The following OGT variants were observed in gnomAD, a reference collection of about 807,000 sequenced individuals.
OGT encodes UDP-N-acetylglucosamine--peptide N-acetylglucosaminyltransferase 110 kDa subunit.
OGT carries 3 observed loss-of-function variants against 75.8 expected under a neutral mutation model. That is an observed-to-expected ratio of 0.04 (90% confidence interval 0.02 to 0.10). The LOEUF is 0.10. OGT is among the 10% of genes least tolerant of loss of function. The pLI, the probability that OGT is intolerant of heterozygous loss-of-function variation, is 1.00. For missense variants in OGT, 260 were observed against 824.4 expected, an observed-to-expected ratio of 0.32 and a Z score of 8.38; for synonymous variants, 257 against 289.7, an observed-to-expected ratio of 0.89 and a Z score of 1.15.
intron 3 of OGT, among the ~76,000 whole-genome samples, chrX:71,541,012 G>C (rs2040214617): frequency 8.9e-6 from 1 of 111,978 alleles, no homozygotes; most frequent in African/African-American, 3.3e-5. Flanking sequence ...ATAGCACCTT[G>C]CAGTGACAGC....
At position 71,555,133 on chromosome X, in the gene OGT, T is replaced by TG. The variant is rs2040333377; in HGVS notation, c.729-57_729-56insG. 8 of 867,435 alleles carry TG rather than the reference T, an allele frequency of 9.2e-6. No homozygotes were observed. The East Asian group carries it at 1.3e-4, about 15-fold the overall frequency. The allele number at this position is 867,435 out of a possible 1,213,427, so 71.5% of individuals were successfully genotyped here. A position where few individuals can be genotyped will look rare whatever the true frequency, so the allele number is the denominator to read the frequency against. On this transcript the variant is annotated intron_variant, in intron 6 of 21. Transcript: ENST00000373719. ...ACCATCCATTAAGCATGAGTTACAT[T>TG]TTGTGTGTGTGTGTGTGTGTGTGTG...
At chrX:71,563,608 T>C (rs2040398393) in intron 18 of OGT, 109 bp downstream of exon 18, 1 of 598,798 alleles carries the variant, frequency 1.7e-6, no homozygotes, top group South Asian at 3.7e-5. Flanking sequence ...TTTTTATGGA[T>C]GAGGAAATGA....
chrX:71,547,454 T>TC (rs2040268757), intron 4 of OGT: 22 of 746,081 alleles, frequency 2.9e-5, no homozygotes, highest in Non-Finnish European at 3.5e-5. Flanking sequence ...CCTTTTTTTT[T>TC]CAGCCATACC....
intron 8 of OGT, chrX:71,556,330 CATT>C: frequency 2.5e-6 from 1 of 394,605 alleles, no homozygotes; most frequent in Non-Finnish European, 4.3e-6. Flanking sequence ...AAAAATTAAA[CATT>C]AACCCACAGT....
At chrX:71,551,517 A>C (rs2040304017) in intron 5 of OGT, among the ~76,000 whole-genome samples, 1 of 112,160 alleles carries the variant, frequency 8.9e-6, no homozygotes, top group Non-Finnish European at 1.9e-5. Context: ...CTGTAATCCC[A>C]GCTACTCAGG....
chrX:71,548,872 TAACA>T lies in OGT; in HGVS notation c.648+853_648+856del, dbSNP rs749955676. ...ATTGCTGTGACACAATTTACCCATT[TAACA>T]AACCTGCATGTGTACCCCAAACCTA... On this transcript the variant is annotated intron_variant, in intron 5 of 21. Transcript: ENST00000373719. 2.6e-4 allele frequency among the ~76,000 whole-genome samples: 29 copies of T among 111,580 alleles called. 1 individual carries two copies. In the South Asian group the frequency reaches 9.9e-3, roughly 38 times the overall value.
At chrX:71,533,719 TCTCCTTTTTCCC>T (rs1485281085) in intron 1 of OGT, among the ~76,000 whole-genome samples, 1 of 109,766 alleles carries the variant, frequency 9.1e-6, no homozygotes, top group African/African-American at 3.3e-5. Flanking sequence ...GCTCATCGCC[TCTCCTTTTTCCC>T]CTCCATCTCC....
At chrX:71,561,120 G>T (rs2147687716) in intron 14 of OGT, among the ~76,000 whole-genome samples, 1 of 109,184 alleles carries the variant, frequency 9.2e-6, no homozygotes, top group Non-Finnish European at 1.9e-5. Context: ...TAGAGACGGG[G>T]TCTCACCACA....
Position 71,557,269 on chromosome X carries a change from T to A in OGT, c.1395T>A (p.Ala465=), listed in dbSNP as rs1257337610. Residue 465 remains alanine (A), a synonymous_variant, in exon 11 of 22, where the codon GCT becomes GCA. Coordinates refer to ENST00000373719, the MANE Select transcript of OGT (RefSeq NM_181672.3). ...AACTTAAGCCTGATTTTCCTGATGC[T>A]TATTGTAACTTGGCTCATTGCCTGC... The part of the protein sequence containing the change: ...ALKLKPDFPD[A]YCNLAHCLQI... 3.3e-6 allele frequency: 4 copies of A among 1,203,098 alleles called. No homozygotes were observed. The highest frequency in any genetic ancestry group is 4.5e-6 in the Non-Finnish European group (4 of 890,374).
At chrX:71,547,592 A>G in intron 4 of OGT, 1 of 882,366 alleles carries the variant, frequency 1.1e-6, no homozygotes, top group Non-Finnish European at 1.4e-6. Context: ...AGAGAACTCC[A>G]GCATAGAGCC....
At chrX:71,570,044 T>G (rs1331181993) in intron 21 of OGT, among the ~76,000 whole-genome samples, 2 of 73,887 alleles carry the variant, frequency 2.7e-5, no homozygotes, top group Non-Finnish European at 5.1e-5. Context: ...TTTTTTTTTT[T>G]TTTTTTTTTT....
intron 15 of OGT, among the ~76,000 whole-genome samples, 161 bp from the exon 16 acceptor site, chrX:71,562,682 CTTAT>C (rs1321354735): frequency 8.9e-6 from 1 of 112,088 alleles, no homozygotes; most frequent in South Asian, 3.7e-4. Flanking sequence ...TGTTTATTTA[CTTAT>C]TTAATTTTGG....
chrX:71,574,831 T>C lies in OGT; in HGVS notation c.*1037T>C. ...AAATGAAATCCCAGGTAAGTATAAGTATTCAAGTATTTGATCAGTAAGTCA... is the reference window on the plus strand; with the variant it reads ...AAATGAAATCCCAGGTAAGTATAAGCATTCAAGTATTTGATCAGTAAGTCA... On this transcript the variant is annotated 3_prime_UTR_variant, in exon 22 of 22. Transcript: ENST00000373719. The C allele has an allele frequency of 9.2e-6, 1 of 109,275 alleles. No individual in the cohort carries two copies. The highest frequency in any genetic ancestry group is 1.9e-5 in the Non-Finnish European group (1 of 52,434). 9.0% of individuals were successfully genotyped at this position (109,275 alleles called of 1,213,427 possible). A position where few individuals can be genotyped will look rare whatever the true frequency, so the allele number is the denominator to read the frequency against.
At chrX:71,568,343 G>A (rs920039600) in intron 21 of OGT, among the ~76,000 whole-genome samples, 2 of 112,299 alleles carry the variant, frequency 1.8e-5, no homozygotes, top group South Asian at 3.6e-4. Flanking sequence ...AAAAGCAAAC[G>A]AGGGGAAAAA....
chrX:71,568,229 C>A, intron 21 of OGT, 113 bp downstream of exon 21: 1 of 578,096 alleles, frequency 1.7e-6, no homozygotes, highest in South Asian at 5.0e-5. Context: ...AGTTGTATGC[C>A]CTCTGGATGG....
At chrX:71,558,158 C>T (rs1483227753) in intron 12 of OGT, among the ~76,000 whole-genome samples, 1 of 109,518 alleles carries the variant, frequency 9.1e-6, no homozygotes, top group Non-Finnish European at 1.9e-5. Context: ...GCTATGTTGC[C>T]CAAGCTGGTC....
intron 3 of OGT, among the ~76,000 whole-genome samples, chrX:71,543,071 T>C (rs770464119): frequency 7.2e-5 from 8 of 111,610 alleles, no homozygotes; most frequent in Non-Finnish European, 1.1e-4. Flanking sequence ...TGTGGCAGCC[T>C]GTACTTTGTT....
intron 19 of OGT, among the ~76,000 whole-genome samples, chrX:71,566,183 AG>A (rs1166417835): frequency 3.6e-5 from 4 of 112,055 alleles, no homozygotes; most frequent in African/African-American, 1.3e-4. Context: ...AGATGAGTAC[AG>A]GTCTACTGTC....
intron 1 of OGT, among the ~76,000 whole-genome samples, chrX:71,535,313 C>T (rs1188351571): frequency 9.0e-6 from 1 of 111,550 alleles, no homozygotes; most frequent in Admixed American, 9.5e-5. Context: ...AGGTAACTGC[C>T]TGGCTTATAT....
Sources: allele counts gnomAD v4.1 joint callset (sites outside exome capture counted in the v4.1 genomes callset), GRCh38; gene constraint gnomAD v4.1.1; transcripts MANE v1.5; gene names NCBI Gene and HGNC (gene_info 2026-07-23, HGNC 2026-07-21).